Variants in SOX6 observed in about 807,000 individuals in gnomAD.
SOX6 encodes transcription factor SOX-6.
Under a neutral mutation model 97.8 loss-of-function variants are expected in SOX6, and 11 were observed. The ratio of observed to expected loss-of-function variants is 0.11; its 90% CI spans 0.07 to 0.19. SOX6 has a LOEUF of 0.19. Among genes scored for constraint, SOX6 ranks in the 10% least tolerant of loss-of-function variants. The probability of loss-of-function intolerance (pLI) is 1.00; values close to 1 mark genes in which losing one functional copy is unlikely to be tolerated. For synonymous variants in SOX6, 360 were observed against 371.4 expected, an observed-to-expected ratio of 0.97 and a Z score of 0.35; for missense variants, 810 against 1,039.5, an observed-to-expected ratio of 0.78 and a Z score of 3.04.
chr11:16,330,506 G>A (rs975481529), intron 2 of SOX6, among the ~76,000 whole-genome samples: 1 of 152,106 alleles, frequency 6.6e-6, no homozygotes, highest in Non-Finnish European at 1.5e-5. Flanking sequence ...CCAGTGAGTC[G>A]ATATCAAGCC....
At position 16,237,019 on chromosome 11, in the gene SOX6, T is replaced by A. The variant is rs150290746; in HGVS notation, c.446-2348A>T. Among the ~76,000 whole-genome samples, 637 of 152,104 alleles carry A rather than the reference T, an allele frequency of 4.2e-3. 3 individuals carry two copies. The highest frequency in any genetic ancestry group is 0.018 in the South Asian group (87 of 4,822). ...GAAAAAATAAAGCAGCCTTTGCATA[T>A]CTACATTTTCAGCCATGAAAATATT... On this transcript the variant is annotated intron_variant, in intron 3 of 15. Transcript: ENST00000683767.
chr11:16,068,852 CT>C (rs1236691275), intron 9 of SOX6, among the ~76,000 whole-genome samples: 2 of 152,146 alleles, frequency 1.3e-5, no homozygotes, highest in Non-Finnish European at 2.9e-5. Flanking sequence ...TATGGAATTT[CT>C]TTTTTCTTCC....
chr11:16,699,993 TTTTGATC>T (rs1161989734), intron 3 of SOX6, among the ~76,000 whole-genome samples: 1 of 152,022 alleles, frequency 6.6e-6, no homozygotes, highest in African/African-American at 2.4e-5. Context: ...TTCATGGAGC[TTTTGATC>T]TAGTGTGTGG....
At chr11:16,182,855 T>C (rs1246598194) in intron 6 of SOX6, among the ~76,000 whole-genome samples, 1 of 151,928 alleles carries the variant, frequency 6.6e-6, no homozygotes, top group East Asian at 1.9e-4. Flanking sequence ...ATCCTTGTTA[T>C]TCATCAATGA....
intron 4 of SOX6, among the ~76,000 whole-genome samples, chr11:16,597,480 A>G (rs1320317093): frequency 6.6e-6 from 1 of 151,900 alleles, no homozygotes; most frequent in African/African-American, 2.4e-5. Context: ...TTCCAAGGTC[A>G]CACAACTAGT....
At chr11:16,112,142 C>T (rs1350310447) in intron 6 of SOX6, among the ~76,000 whole-genome samples, 1 of 152,112 alleles carries the variant, frequency 6.6e-6, no homozygotes, top group East Asian at 1.9e-4. Context: ...GCATTTGCCT[C>T]GTCCCTGCTT....
At chr11:16,137,544 G>C (rs185670984) in intron 6 of SOX6, among the ~76,000 whole-genome samples, 1 of 152,258 alleles carries the variant, frequency 6.6e-6, no homozygotes, top group Admixed American at 6.5e-5. Flanking sequence ...TGAGATAATG[G>C]TTCTTCTAGT....
chr11:16,339,841 G>A (rs1036822000), intron 2 of SOX6, among the ~76,000 whole-genome samples: 1 of 152,080 alleles, frequency 6.6e-6, no homozygotes, highest in African/African-American at 2.4e-5. Context: ...CACCTTGGAG[G>A]TGTTAAAATG....
chr11:16,560,977 G>T (rs1345545016), intron 4 of SOX6, among the ~76,000 whole-genome samples: 1 of 152,046 alleles, frequency 6.6e-6, no homozygotes, highest in Non-Finnish European at 1.5e-5. Context: ...GGGAAATATG[G>T]GAGTCGGGTG....
chr11:16,693,242 T>G (rs1001699362), intron 3 of SOX6, among the ~76,000 whole-genome samples: 1 of 152,200 alleles, frequency 6.6e-6, no homozygotes, highest in Non-Finnish European at 1.5e-5. Flanking sequence ...TGAACAGCAT[T>G]ATTGTCACTA....
intron 1 of SOX6, chr11:16,434,003 C>T (rs1859322963): frequency 6.6e-6 from 1 of 151,970 alleles, no homozygotes; most frequent in Non-Finnish European, 1.5e-5. Flanking sequence ...GGCCACATCA[C>T]TTTCTCAAAA....
intron 4 of SOX6, among the ~76,000 whole-genome samples, chr11:16,210,872 T>C (rs1852205506): frequency 6.6e-6 from 1 of 152,122 alleles, no homozygotes; most frequent in Admixed American, 6.6e-5. Context: ...TAGTAAGAGA[T>C]AGTAAACGCT....
chr11:16,055,707 A>C (rs553614103), intron 10 of SOX6, 45 bp downstream of exon 10: 1 of 1,612,908 alleles, frequency 6.2e-7, no homozygotes, highest in South Asian at 1.1e-5. Context: ...TTTCTTGTGA[A>C]ACTTTTTTCT....
At chr11:16,683,241 A>G (rs953582890) in intron 3 of SOX6, among the ~76,000 whole-genome samples, 11 of 152,286 alleles carry the variant, frequency 7.2e-5, no homozygotes, top group African/African-American at 1.9e-4. Context: ...CTATTTTAAC[A>G]TTCACATGGA....
intron 9 of SOX6, among the ~76,000 whole-genome samples, chr11:16,092,792 G>T (rs1354711281): frequency 6.6e-6 from 1 of 151,142 alleles, no homozygotes; most frequent in Non-Finnish European, 1.5e-5. Flanking sequence ...AAAATTAAGG[G>T]TCTATCATAT....
upstream of SOX6, among the ~76,000 whole-genome samples, chr11:16,478,987 A>G (rs199854675): frequency 6.6e-6 from 1 of 152,218 alleles, no homozygotes; most frequent in East Asian, 1.9e-4. Context: ...TTGCTCATTT[A>G]TACATTCAGC....
intron 3 of SOX6, among the ~76,000 whole-genome samples, chr11:16,682,524 A>G (rs1024324695): frequency 1.3e-5 from 2 of 152,260 alleles, no homozygotes; most frequent in Non-Finnish European, 2.9e-5. Flanking sequence ...GAAGCCTTCA[A>G]CAAAATTCAA....
At chr11:16,519,334 A>C (rs1833719166) in intron 4 of SOX6, among the ~76,000 whole-genome samples, 4 of 152,004 alleles carry the variant, frequency 2.6e-5, no homozygotes, top group African/African-American at 9.7e-5. Context: ...TAATTTTTCA[A>C]CCCTTGCCTC....
intron 10 of SOX6, among the ~76,000 whole-genome samples, chr11:16,050,192 T>A (rs765518567): frequency 7.2e-5 from 11 of 152,148 alleles, no homozygotes; most frequent in Non-Finnish European, 1.2e-4. Context: ...CTGAATTAGC[T>A]CACATTACAG....
Sources: gnomAD v4.1 joint callset for allele counts (sites outside exome capture counted in the v4.1 genomes callset) on GRCh38, gnomAD v4.1.1 for gene constraint, MANE v1.5 for transcripts, NCBI Gene and HGNC (gene_info 2026-07-23, HGNC 2026-07-21) for gene names.